PTPRN2: variants seen among roughly 807,000 people sequenced by gnomAD.
PTPRN2 encodes receptor-type tyrosine-protein phosphatase N2.
Under a neutral mutation model 118.8 loss-of-function variants are expected in PTPRN2, and 74 were observed. That is an observed-to-expected ratio of 0.62 (90% CI 0.52 to 0.76). The LOEUF is 0.76. Ranked by LOEUF, PTPRN2 falls within the 30% of genes least tolerant of loss-of-function variation. The pLI is 0.00. For synonymous variants in PTPRN2, 641 were observed against 608.0 expected, an observed-to-expected ratio of 1.05 and a Z score of -0.80; for missense variants, 1,481 against 1,394.4, an observed-to-expected ratio of 1.06 and a Z score of -0.99.
At chr7:157,905,740 A>C (rs1194191910) in intron 11 of PTPRN2, among the ~76,000 whole-genome samples, 1 of 152,176 alleles carries the variant, frequency 6.6e-6, no homozygotes, top group African/African-American at 2.4e-5. Flanking sequence ...CTGTAATCTA[A>C]ATTACAATGG....
chr7:157,847,808 G>C, intron 12 of PTPRN2, among the ~76,000 whole-genome samples: 1 of 143,848 alleles, frequency 7.0e-6, no homozygotes, highest in African/African-American at 2.6e-5. Flanking sequence ...ATGCGTGCCC[G>C]ATGTCTACAG....
chr7:157,571,394 T>A, intron 20 of PTPRN2, 46 bp downstream of exon 20: 1 of 1,469,386 alleles, frequency 6.8e-7, no homozygotes, highest in Non-Finnish European at 9.4e-7. Flanking sequence ...ATAGATTAGT[T>A]TTTGAGGTAG....
At chr7:158,159,450 G>T (rs1419083299) in intron 6 of PTPRN2, among the ~76,000 whole-genome samples, 1 of 152,236 alleles carries the variant, frequency 6.6e-6, no homozygotes, top group Non-Finnish European at 1.5e-5. Context: ...GGTATGTTGG[G>T]ATGAGGTTGC....
chr7:158,061,154 C>T (rs1389913137), intron 11 of PTPRN2, among the ~76,000 whole-genome samples: 1 of 152,252 alleles, frequency 6.6e-6, no homozygotes, highest in African/African-American at 2.4e-5. Context: ...AGGCCGCCGT[C>T]GGGCGGTGAC....
At chr7:158,351,165 C>CGAGG (rs1259470590) in intron 2 of PTPRN2, among the ~76,000 whole-genome samples, 2 of 152,190 alleles carry the variant, frequency 1.3e-5, no homozygotes, top group Non-Finnish European at 2.9e-5. Flanking sequence ...CTCGCCACCT[C>CGAGG]GAGGGCACGG....
chr7:158,141,641 G>A (rs921182129), intron 6 of PTPRN2, among the ~76,000 whole-genome samples: 4 of 152,116 alleles, frequency 2.6e-5, no homozygotes, highest in Non-Finnish European at 4.4e-5. Context: ...GAAGTGTTTT[G>A]CTTCATTTCT....
intron 8 of PTPRN2, 95 bp from the exon 9 acceptor site, chr7:158,134,154 G>A (rs1056392229): frequency 1.4e-6 from 2 of 1,386,026 alleles, no homozygotes; most frequent in Admixed American, 4.3e-5. Flanking sequence ...TCACTGTGGG[G>A]ATGACATGGG....
At position 157,929,500 on chromosome 7, in the gene PTPRN2, G is replaced by A. The variant is rs113575088; in HGVS notation, c.1724-30763C>T. On this transcript the variant is annotated intron_variant, in intron 11 of 22. Transcript: ENST00000389418. The surrounding 1 kb of genome is among the most constrained non-coding windows in gnomAD (Gnocchi z 4.4). The stretch of plus-strand genomic sequence containing the variant: ...CAGACGCCCACCCAGCACAGCCTCC[G>A]CCGCAGCCTGGCAGCCCAACAGAGG... 0.013 allele frequency among the ~76,000 whole-genome samples: 2,024 copies of A among 152,166 alleles called. 57 individuals carry two copies. The highest frequency in any genetic ancestry group is 0.046 in the African/African-American group (1,927 of 41,500).
At chr7:157,879,997 GGGCAACA>G (rs1339493964) in intron 12 of PTPRN2, among the ~76,000 whole-genome samples, 1 of 152,058 alleles carries the variant, frequency 6.6e-6, no homozygotes, top group Non-Finnish European at 1.5e-5. Context: ...ATGAAAATTT[GGGCAACA>G]TAATGTTTTC....
chr7:158,196,168 T>C, intron 4 of PTPRN2, among the ~76,000 whole-genome samples: 1 of 152,226 alleles, frequency 6.6e-6, no homozygotes, highest in East Asian at 1.9e-4. Context: ...TTTTGGATGG[T>C]TCTTTTCCCT....
intron 2 of PTPRN2, among the ~76,000 whole-genome samples, chr7:158,367,948 C>T (rs1272553091): frequency 1.3e-5 from 2 of 152,308 alleles, no homozygotes; most frequent in East Asian, 3.9e-4. Context: ...GGGCCATGTT[C>T]CTGTTTCAAG....
intron 13 of PTPRN2, among the ~76,000 whole-genome samples, chr7:157,657,050 T>TACACCACAC (rs1222111435): frequency 1.7e-5 from 1 of 58,514 alleles, no homozygotes; most frequent in African/African-American, 6.9e-5. Context: ...TACACACACA[T>TACACCACAC]ACACCACACA....
intron 12 of PTPRN2, among the ~76,000 whole-genome samples, chr7:157,796,678 C>T (rs76666285): frequency 0.11 from 16,483 of 152,052 alleles, 1,048 homozygotes; most frequent in South Asian, 0.21. Flanking sequence ...ACAGGGAGCA[C>T]GGCAGCTTCT....
intron 2 of PTPRN2, among the ~76,000 whole-genome samples, chr7:158,318,543 T>C (rs1802538096): frequency 6.6e-6 from 1 of 152,094 alleles, no homozygotes; most frequent in Non-Finnish European, 1.5e-5. Flanking sequence ...CCCAAGTCAG[T>C]GACCACCTAA....
At chr7:158,063,488 G>A (rs1810516808) in intron 11 of PTPRN2, among the ~76,000 whole-genome samples, 1 of 152,200 alleles carries the variant, frequency 6.6e-6, no homozygotes, top group Admixed American at 6.5e-5. Flanking sequence ...GGGGAAAAAA[G>A]CAGGCTGCCC....
chr7:158,183,098 T>C (rs144388962), intron 5 of PTPRN2, among the ~76,000 whole-genome samples: 19 of 152,346 alleles, frequency 1.2e-4, no homozygotes, highest in African/African-American at 4.3e-4. Context: ...TTATCTGATA[T>C]TAGAATGCTC....
chr7:158,407,155 C>CCGCG (rs1813538597), intron 2 of PTPRN2, among the ~76,000 whole-genome samples: 1 of 120,956 alleles, frequency 8.3e-6, no homozygotes, highest in Admixed American at 9.3e-5. Context: ...GTCCTGGGTC[C>CCGCG]TGGGTCCTGG....
At chr7:157,653,034 G>A (rs551361491) in intron 14 of PTPRN2, among the ~76,000 whole-genome samples, 5 of 152,286 alleles carry the variant, frequency 3.3e-5, no homozygotes, top group South Asian at 2.1e-4. Flanking sequence ...TCTGGGCTCC[G>A]GGGCAGTGTG....
chr7:157,889,819 C>T (rs753644995), intron 12 of PTPRN2, among the ~76,000 whole-genome samples: 1 of 152,226 alleles, frequency 6.6e-6, no homozygotes, highest in Non-Finnish European at 1.5e-5. Context: ...CAGGATGCAG[C>T]TCTTTATAAG....
Sources: gnomAD v4.1 joint callset for allele counts (sites outside exome capture counted in the v4.1 genomes callset) on GRCh38, gnomAD v4.1.1 for gene constraint, Gnocchi (gnomAD v3.1) non-coding constraint, MANE v1.5 for transcripts, NCBI Gene and HGNC (gene_info 2026-07-23, HGNC 2026-07-21) for gene names.